WDHD1: variants seen among roughly 807,000 people sequenced by gnomAD.
WDHD1 encodes the protein WD repeat and HMG-box DNA-binding protein 1.
In WDHD1, 111 loss-of-function variants were observed where a neutral mutation model predicts 135.4. The ratio of observed to expected loss-of-function variants is 0.82; its 90% CI spans 0.70 to 0.96. The LOEUF (loss-of-function observed/expected upper bound fraction) is 0.96, where lower values mean the gene tolerates loss of function less well. Ranked by LOEUF, WDHD1 falls within the 40% of genes least tolerant of loss-of-function variation. WDHD1 has a pLI of 0.00. For missense variants in WDHD1, 1,351 were observed against 1,336.3 expected, an observed-to-expected ratio of 1.01 and a Z score of -0.17; for synonymous variants, 434 against 439.0, an observed-to-expected ratio of 0.99 and a Z score of 0.14.
rs2042093054 is a variant in WDHD1, at chr14:55,007,485, A to C, written c.505-110T>G. On this transcript the variant is annotated intron_variant, in intron 6 of 25. Coordinates refer to ENST00000360586, the MANE Select transcript of WDHD1 (RefSeq NM_007086.4). ...TCAAATCAATATATATCTCAGAAAA[A>C]TGCAACTTAATGCACCTTAATTATA... 5 of 692,208 alleles carry C rather than the reference A, an allele frequency of 7.2e-6. No homozygotes were observed. In the East Asian group the frequency reaches 1.4e-4, roughly 20 times the overall value. 42.9% of individuals were successfully genotyped at this position (692,208 alleles called of 1,614,324 possible).
In WDHD1 at chr14:54,957,051, T is replaced by G; in HGVS notation, c.2899A>C (p.Lys967Gln). Residue 967 changes from lysine (K) to glutamine (Q), a missense_variant, in exon 23 of 26, where the codon AAG becomes CAG. Physicochemically the swap from Lys to Gln is moderately conservative, Grantham distance 53. Coordinates refer to ENST00000360586, the MANE Select transcript of WDHD1 (RefSeq NM_007086.4). ...KSPIIKPLIPKPKPKQASAAS... is the reference protein window; with the variant it reads ...KSPIIKPLIPQPKPKQASAAS... ...AACAGTACCTGCTTAGGCTTCGGCT[T>G]TGGAATCAGAGGCTTTATAATGGGA... The G allele has an allele frequency of 6.2e-7, 1 of 1,613,912 alleles. No individual in the cohort carries two copies. The highest frequency in any genetic ancestry group is 1.1e-5 in the South Asian group (1 of 91,006).
chr14:55,023,149 A>G (rs1338113959), intron 2 of WDHD1, among the ~76,000 whole-genome samples: 1 of 152,076 alleles, frequency 6.6e-6, no homozygotes, highest in Non-Finnish European at 1.5e-5. Flanking sequence ...TCTTTCTGAT[A>G]TTATCAAACT....
At position 54,957,150 on chromosome 14, in the gene WDHD1, T is replaced by C. The variant is rs145612037; in HGVS notation, c.2800A>G (p.Asn934Asp). The change falls in exon 23 of 26, where the codon AAT (asparagine) becomes GAT (aspartate). Residue 934 changes from asparagine (N) to aspartate (D), a missense_variant. Transcript: ENST00000360586. ...GATTTGCCCATATTGTCTAAAATATTAGTTGAACGTGCTGAATTCATTGAC... is the reference window on the plus strand; with the variant it reads ...GATTTGCCCATATTGTCTAAAATATCAGTTGAACGTGCTGAATTCATTGAC... Reference protein sequence around the residue: ...AMSMNSARSTNILDNMGKSSK... With the variant: ...AMSMNSARSTDILDNMGKSSK... The C allele has an allele frequency of 2.5e-6, 4 of 1,614,056 alleles. No homozygotes were observed. The African/African-American group carries it at 4.0e-5, about 16-fold the overall frequency.
intron 21 of WDHD1, among the ~76,000 whole-genome samples, chr14:54,958,794 T>A (rs2041202384): frequency 6.6e-6 from 1 of 152,194 alleles, no homozygotes; most frequent in South Asian, 2.1e-4. Context: ...TCCCTAGGCT[T>A]AAGCTCATTT....
intron 3 of WDHD1, among the ~76,000 whole-genome samples, chr14:55,012,641 TG>T (rs2042189854): frequency 6.6e-6 from 1 of 152,326 alleles, no homozygotes; most frequent in East Asian, 1.9e-4. Flanking sequence ...TATTGTCTCA[TG>T]ATTCTGAAGG....
At chr14:54,976,737 A>AAATAAAT (rs1214870579) in intron 16 of WDHD1, among the ~76,000 whole-genome samples, 1 of 152,110 alleles carries the variant, frequency 6.6e-6, no homozygotes, top group African/African-American at 2.4e-5. Flanking sequence ...ATATACCAAA[A>AAATAAAT]AATAAATAAT....
At chr14:54,949,361 G>A (rs2040997382) in intron 24 of WDHD1, among the ~76,000 whole-genome samples, 1 of 152,162 alleles carries the variant, frequency 6.6e-6, no homozygotes. Context: ...GAATGCACAA[G>A]CCTCAGTAGC....
Position 55,000,499 on chromosome 14 carries a change from T to A in WDHD1, c.942+4A>T. The A allele has an allele frequency of 6.2e-7, 1 of 1,600,258 alleles. No homozygotes were observed. Among genetic ancestry groups the A allele is most frequent in the Non-Finnish European group, 8.5e-7 (1 of 1,173,638 alleles). On this transcript the variant is annotated splice_donor_region_variant and intron_variant, in intron 10 of 25. Coordinates refer to ENST00000360586, the MANE Select transcript of WDHD1 (RefSeq NM_007086.4). ...AGAAACTGTTGTACCATACTCCCTT[T>A]TACCTTACTGCTTGATGTCTTTCCA...
Position 54,989,119 on chromosome 14 carries a change from T to C in WDHD1, c.1435A>G (p.Thr479Ala). Residue 479 changes from threonine (T) to alanine (A), a missense_variant, in exon 13 of 26, where the codon ACA (threonine) becomes GCA (alanine). Coordinates refer to ENST00000360586, the MANE Select transcript of WDHD1 (RefSeq NM_007086.4). Reference sequence around the variant, plus strand: ...TAATTCAAAGTGTTTGATAAGTGTGTTGCATGGTGTATGGAGGTATCATGG... The same window carrying C: ...TAATTCAAAGTGTTTGATAAGTGTGCTGCATGGTGTATGGAGGTATCATGG... ...EFHDTSIHHATHLSNTLNYTI... is the reference protein window; with the variant it reads ...EFHDTSIHHAAHLSNTLNYTI... The C allele has an allele frequency of 6.2e-7, 1 of 1,613,790 alleles. No homozygotes were observed. Among genetic ancestry groups the C allele is most frequent in the African/African-American group, 1.3e-5 (1 of 75,004 alleles).
At position 54,949,290 on chromosome 14, in the gene WDHD1, T is replaced by C. The variant is rs138284824; in HGVS notation, c.3051-4820A>G. On this transcript the variant is annotated intron_variant, in intron 24 of 25. Transcript: ENST00000360586. ...ACGAATGGCTAACTAGAATAACCAG[T>C]GTAGAGAACTCCTCAAATGACCTGA... 4.4e-4 allele frequency among the ~76,000 whole-genome samples: 67 copies of C among 152,128 alleles called. No homozygotes were observed. In the East Asian group the frequency reaches 0.012, roughly 27 times the overall value.
chr14:55,007,310 G>A lies in WDHD1; in HGVS notation c.570C>T (p.Cys190=), dbSNP rs1344811840. ...CNDVINAKSI[C]RLAWQPKSGK... ...CACTTTTTGGCTGCCAAGCAAGTCT[G>A]CAGATTGATTTTGCATTTATCACAT... Residue 190 remains cysteine, a synonymous_variant, in exon 7 of 26, where the codon TGC becomes TGT. Coordinates refer to ENST00000360586, the MANE Select transcript of WDHD1 (RefSeq NM_007086.4). 1.2e-6 allele frequency: 2 copies of A among 1,605,560 alleles called. No individual in the cohort carries two copies. The highest frequency in any genetic ancestry group is 1.7e-5 in the Admixed American group (1 of 59,180).
rs1301245991 is a variant in WDHD1, at chr14:54,969,359, A to G, written c.2064-1965T>C. ...CCGTTTCAAGAAAAAAAAAAAAAAAAGAGAGAGAGAAAGAGAAAGTCCTCA... is the reference window on the plus strand; with the variant it reads ...CCGTTTCAAGAAAAAAAAAAAAAAAGGAGAGAGAGAAAGAGAAAGTCCTCA... On this transcript the variant is annotated intron_variant, in intron 16 of 25. Coordinates refer to ENST00000360586, the MANE Select transcript of WDHD1 (RefSeq NM_007086.4). Among the ~76,000 whole-genome samples, 3 of 145,468 alleles carry G rather than the reference A, an allele frequency of 2.1e-5. No homozygotes were observed. The East Asian group carries it at 5.9e-4, about 29-fold the overall frequency.
At chr14:54,982,874 G>A (rs984971864) in intron 15 of WDHD1, among the ~76,000 whole-genome samples, 7 of 152,086 alleles carry the variant, frequency 4.6e-5, no homozygotes, top group African/African-American at 4.8e-5. Context: ...TTAAAATAAG[G>A]TACTCCTGGG....
At chr14:55,006,837 G>C (rs1005856797) in intron 7 of WDHD1, among the ~76,000 whole-genome samples, 3 of 151,850 alleles carry the variant, frequency 2.0e-5, no homozygotes, top group Non-Finnish European at 2.9e-5. Flanking sequence ...TATTTGGCTT[G>C]GTACTCTAAA....
At chr14:54,964,316 G>T (rs897361306) in intron 18 of WDHD1, among the ~76,000 whole-genome samples, 1 of 151,804 alleles carries the variant, frequency 6.6e-6, no homozygotes, top group African/African-American at 2.4e-5. Flanking sequence ...CTTCTTAATC[G>T]GGATGGTACA....
At chr14:54,997,186 C>T (rs2041896344) in intron 10 of WDHD1, among the ~76,000 whole-genome samples, 1 of 151,304 alleles carries the variant, frequency 6.6e-6, no homozygotes, top group Non-Finnish European at 1.5e-5. Context: ...AACTTCATCT[C>T]CCAGGCTCAA....
chr14:54,975,708 T>A (rs1294739845), intron 16 of WDHD1, among the ~76,000 whole-genome samples: 1 of 152,048 alleles, frequency 6.6e-6, no homozygotes, highest in African/African-American at 2.4e-5. Context: ...TAATGCTTTT[T>A]TTTTTAAAGA....
At chr14:55,005,629 T>C (rs1480233108) in intron 7 of WDHD1, 3 of 592,184 alleles carry the variant, frequency 5.1e-6, no homozygotes, top group African/African-American at 3.7e-5. Flanking sequence ...GGGTTCCTCC[T>C]GCAAGGAACT....
chr14:54,967,458 A>T (rs1595076446), intron 16 of WDHD1, 64 bp from the exon 17 acceptor site: 1 of 1,243,156 alleles, frequency 8.0e-7, no homozygotes, highest in East Asian at 2.5e-5. Context: ...TACAAAATTT[A>T]AAAAGTTTTC....
Sources: allele counts gnomAD v4.1 joint callset (sites outside exome capture counted in the v4.1 genomes callset), GRCh38; gene constraint gnomAD v4.1.1; transcripts MANE v1.5; gene names NCBI Gene and HGNC (gene_info 2026-07-23, HGNC 2026-07-21).